The following EEFSEC variants were observed in gnomAD, a reference collection of about 807,000 sequenced individuals.
EEFSEC encodes eukaryotic elongation factor, selenocysteine-tRNA specific.
EEFSEC carries 43 observed loss-of-function variants against 42.1 expected under a neutral mutation model. The observed-to-expected ratio is 1.02, with a 90% confidence interval of 0.80 to 1.32. The LOEUF is 1.32. EEFSEC is among the 40% of genes most tolerant of loss of function. The probability of loss-of-function intolerance (pLI) is 0.00; values close to 1 mark genes in which losing one functional copy is unlikely to be tolerated. For missense variants in EEFSEC, 745 were observed against 803.6 expected, an observed-to-expected ratio of 0.93 and a Z score of 0.88; for synonymous variants, 354 against 339.1, an observed-to-expected ratio of 1.04 and a Z score of -0.48.
chr3:128,154,369 A>G (rs1304173674), intron 1 of EEFSEC, among the ~76,000 whole-genome samples: 1 of 151,954 alleles, frequency 6.6e-6, no homozygotes, highest in African/African-American at 2.4e-5. Flanking sequence ...AGTGCCCCAT[A>G]TCTGTACACA....
intron 2 of EEFSEC, among the ~76,000 whole-genome samples, chr3:128,248,957 A>G (rs2066156216): frequency 6.6e-6 from 1 of 152,252 alleles, no homozygotes; most frequent in Non-Finnish European, 1.5e-5. Context: ...CAGCACCAGC[A>G]GGCTGGTAGG....
intron 4 of EEFSEC, among the ~76,000 whole-genome samples, chr3:128,279,291 C>A (rs1018876696): frequency 1.3e-5 from 2 of 152,236 alleles, no homozygotes; most frequent in African/African-American, 4.8e-5. Context: ...GGCTCCTTCA[C>A]CTCAGCACAT....
intron 4 of EEFSEC, among the ~76,000 whole-genome samples, chr3:128,339,061 G>C (rs1278341678): frequency 2.0e-5 from 3 of 152,176 alleles, no homozygotes; most frequent in African/African-American, 7.2e-5. Flanking sequence ...ACGACGCTTA[G>C]TGTAAGGTGA....
intron 4 of EEFSEC, among the ~76,000 whole-genome samples, chr3:128,329,247 T>A (rs2067098797): frequency 6.6e-6 from 1 of 152,138 alleles, no homozygotes; most frequent in Non-Finnish European, 1.5e-5. Flanking sequence ...TTGCTGATGC[T>A]CTGGTGCCAG....
intron 1 of EEFSEC, among the ~76,000 whole-genome samples, chr3:128,173,208 G>A (rs957757987): frequency 2.0e-5 from 3 of 152,304 alleles, no homozygotes; most frequent in East Asian, 1.9e-4. Flanking sequence ...ATGTTTTTCC[G>A]GGAACATAGT....
intron 1 of EEFSEC, among the ~76,000 whole-genome samples, chr3:128,160,576 G>A (rs2065174157): frequency 6.6e-6 from 1 of 152,184 alleles, no homozygotes; most frequent in Non-Finnish European, 1.5e-5. Flanking sequence ...ATTCCCACTG[G>A]CAGCAGGTGT....
intron 4 of EEFSEC, among the ~76,000 whole-genome samples, chr3:128,314,190 T>C (rs1576630144): frequency 6.6e-6 from 1 of 152,250 alleles, no homozygotes; most frequent in Admixed American, 6.5e-5. Context: ...GTATCCTGTC[T>C]GCTTTGAGGT....
chr3:128,425,420 C>T, the EEFSEC span, among the ~76,000 whole-genome samples: 1 of 152,098 alleles, frequency 6.6e-6, no homozygotes, highest in Admixed American at 6.5e-5. Context: ...GACACTCGGG[C>T]TGCTTCCAGT....
chr3:128,261,379 A>G (rs190755754), intron 2 of EEFSEC, among the ~76,000 whole-genome samples: 2 of 152,222 alleles, frequency 1.3e-5, no homozygotes, highest in African/African-American at 4.8e-5. Context: ...CTGTCATTCA[A>G]CAGAAAGTTC....
At chr3:128,419,666 G>T in the EEFSEC span, among the ~76,000 whole-genome samples, 1 of 152,166 alleles carries the variant, frequency 6.6e-6, no homozygotes, top group African/African-American at 2.4e-5. Context: ...CGAGGGAAAG[G>T]TTCTGTGCAG....
intron 5 of EEFSEC, among the ~76,000 whole-genome samples, chr3:128,351,949 A>G (rs2107580179): frequency 6.6e-6 from 1 of 152,376 alleles, no homozygotes; most frequent in South Asian, 2.1e-4. Context: ...CAGATCCCAC[A>G]TGCGTTGCCT....
intron 4 of EEFSEC, among the ~76,000 whole-genome samples, chr3:128,329,556 C>G (rs950642644): frequency 4.6e-5 from 7 of 152,056 alleles, no homozygotes; most frequent in African/African-American, 1.2e-4. Flanking sequence ...ATGACCTGCT[C>G]TAGCTGGAGT....
At chr3:128,155,194 A>G (rs1352637379) in intron 1 of EEFSEC, among the ~76,000 whole-genome samples, 1 of 152,038 alleles carries the variant, frequency 6.6e-6, no homozygotes, top group African/African-American at 2.4e-5. Context: ...GGCTCACTGC[A>G]ACCTCTTTCT....
intron 6 of EEFSEC, among the ~76,000 whole-genome samples, chr3:128,367,974 A>G (rs2067609954): frequency 6.6e-6 from 1 of 152,226 alleles, no homozygotes; most frequent in Admixed American, 6.5e-5. Context: ...TGCCTCAGGA[A>G]TTCCATGGGG....
chr3:128,224,690 T>C (rs2065891840), intron 1 of EEFSEC, among the ~76,000 whole-genome samples: 1 of 152,256 alleles, frequency 6.6e-6, no homozygotes. Flanking sequence ...CTTATGTATA[T>C]ATCTTTAAAA....
intron 6 of EEFSEC, among the ~76,000 whole-genome samples, chr3:128,364,746 A>G (rs1330329883): frequency 1.3e-5 from 2 of 152,164 alleles, no homozygotes; most frequent in Non-Finnish European, 1.5e-5. Flanking sequence ...GTGGGGATGC[A>G]CTGGCAGGAA....
chr3:128,397,261 G>C (rs1475891358), intron 6 of EEFSEC, among the ~76,000 whole-genome samples: 5 of 152,250 alleles, frequency 3.3e-5, no homozygotes, highest in Non-Finnish European at 7.3e-5. Context: ...CCAGGCTGCT[G>C]TATTCCCTGT....
chr3:128,408,019 C>T (rs1043666244), intron 6 of EEFSEC, 50 bp from the exon 7 acceptor site: 4 of 1,482,320 alleles, frequency 2.7e-6, no homozygotes, highest in African/African-American at 1.4e-5. Context: ...AGGGAGCCCA[C>T]GGGTGCTTGG....
chr3:128,417,226 C>T, the EEFSEC span, among the ~76,000 whole-genome samples: 81 of 152,254 alleles, frequency 5.3e-4, no homozygotes, highest in African/African-American at 1.9e-3. This position sits in a 1 kb window ranked among gnomAD's most constrained non-coding sequence, Gnocchi z 4.3. Context: ...TAAACCCTCT[C>T]GCCCGCACCT....
Sources: gnomAD v4.1 joint callset for allele counts (sites outside exome capture counted in the v4.1 genomes callset) on GRCh38, gnomAD v4.1.1 for gene constraint, Gnocchi (gnomAD v3.1) non-coding constraint, MANE v1.5 for transcripts, NCBI Gene and HGNC (gene_info 2026-07-23, HGNC 2026-07-21) for gene names.